The following CATSPER1 variants were observed in gnomAD, a reference collection of about 807,000 sequenced individuals.
CATSPER1 encodes cation channel sperm associated 1.
In CATSPER1, 57 loss-of-function variants were observed where a neutral mutation model predicts 72.7. The ratio of observed to expected loss-of-function variants is 0.78; its 90% confidence interval spans 0.63 to 0.98. The LOEUF (loss-of-function observed/expected upper bound fraction) is 0.98, where lower values mean the gene tolerates loss of function less well. Among genes scored for constraint, CATSPER1 ranks in the 50% least tolerant of loss-of-function variants. CATSPER1 has a pLI of 0.00. For synonymous variants in CATSPER1, 363 were observed against 403.0 expected, an observed-to-expected ratio of 0.90 and a Z score of 1.19; for missense variants, 910 against 1,033.9, an observed-to-expected ratio of 0.88 and a Z score of 1.64.
intron 1 of CATSPER1, among the ~76,000 whole-genome samples, chr11:66,023,580 C>A (rs1856425793): frequency 1.3e-5 from 2 of 151,860 alleles, no homozygotes; most frequent in South Asian, 4.2e-4. Flanking sequence ...AGCAATGGCT[C>A]ACACCTGTAA....
rs1471314120 is a variant in CATSPER1, at chr11:66,016,825, G to A, written c.*65C>T. 16 of 1,559,624 alleles carry A rather than the reference G, an allele frequency of 1.0e-5. No individual in the cohort carries two copies. Among genetic ancestry groups the A allele is most frequent in the South Asian group, 3.5e-5 (3 of 84,892 alleles). ...ATCATTCCAGCAGATCTGGGGACCC[G>A]TCCCAGTGCACCCAGGTGGGCAGAC... On this transcript the variant is annotated 3_prime_UTR_variant, in exon 12 of 12. Coordinates refer to ENST00000312106, the MANE Select transcript of CATSPER1 (RefSeq NM_053054.4).
Position 66,017,194 on chromosome 11 carries a change from T to TGGGGGGGGGCCCC in CATSPER1, c.2202-21_2202-20insGGGGCCCCCCCCC. ...TGCTGCCTGCGGGTGGGCGGGGGGG[T>TGGGGGGGGGCCCC]CGCAGAGACAGGGGCTGGGCTGACC... On this transcript the variant is annotated intron_variant, in intron 10 of 11. Transcript: ENST00000312106. 1 of 550,278 alleles carries TGGGGGGGGGCCCC rather than the reference T, an allele frequency of 1.8e-6. No homozygotes were observed. Among genetic ancestry groups the TGGGGGGGGGCCCC allele is most frequent in the Non-Finnish European group, 3.4e-6 (1 of 295,850 alleles). The allele number at this position is 550,278 out of a possible 1,614,324, so 34.1% of individuals were successfully genotyped here. A position where few individuals can be genotyped will look rare whatever the true frequency, so the allele number is the denominator to read the frequency against.
intron 5 of CATSPER1, 65 bp from the exon 6 acceptor site, chr11:66,021,019 C>G: frequency 6.2e-7 from 1 of 1,609,854 alleles, no homozygotes; most frequent in South Asian, 1.1e-5. Flanking sequence ...CTCGTCCTGC[C>G]CCATCCCTGC....
Position 66,020,062 on chromosome 11 carries a change from G to A in CATSPER1, c.2125+78C>T, listed in dbSNP as rs2134988897. The A allele has an allele frequency of 6.9e-7, 1 of 1,450,240 alleles. No homozygotes were observed. Among genetic ancestry groups the A allele is most frequent in the South Asian group, 1.1e-5 (1 of 87,254 alleles). The allele number at this position is 1,450,240 out of a possible 1,614,324, so 89.8% of individuals were successfully genotyped here. ...ACTGAGTCTGGAATTCTGTGACTGT[G>A]GAAGGAGGTTAGGGGGATGGAGAGA... is the stretch of plus-strand genomic sequence containing the variant. On this transcript the variant is annotated intron_variant, in intron 9 of 11. Transcript: ENST00000312106. The surrounding 1 kb of genome is among the most constrained non-coding windows in gnomAD (Gnocchi z 4.5).
chr11:66,024,572 G>A (rs1403755986), intron 1 of CATSPER1, among the ~76,000 whole-genome samples: 9 of 152,106 alleles, frequency 5.9e-5, no homozygotes, highest in South Asian at 2.1e-4. Flanking sequence ...GAGTCACCGC[G>A]CCTGGCCTGT....
At position 66,020,943 on chromosome 11, in the gene CATSPER1, C is replaced by T. The variant is rs143627075; in HGVS notation, c.1795G>A (p.Ala599Thr). The T allele has an allele frequency of 6.3e-5, 101 of 1,613,864 alleles. No homozygotes were observed. In the African/African-American group the frequency reaches 9.5e-4, roughly 15 times the overall value. Residue 599 changes from alanine to threonine, a missense_variant, in exon 6 of 12, where the codon GCG becomes ACG. Physicochemically the swap from Ala to Thr is moderately conservative, Grantham distance 58 (BLOSUM62 0). Coordinates refer to ENST00000312106, the MANE Select transcript of CATSPER1 (RefSeq NM_053054.4). This position sits in a 1 kb window ranked among gnomAD's most constrained non-coding sequence, Gnocchi z 4.5. ...LMFTCLFLFS[A>T]VLRALFRKSD... ...TTGCGGAACAGTGCCCGGAGGACCG[C>T]GGAGAAGAGGACTGGCTGTTCAGGG...
chr11:66,021,893 G>C lies in CATSPER1; in HGVS notation c.1430-14C>G. 6.3e-7 allele frequency: 1 copy of C among 1,594,354 alleles called. No individual in the cohort carries two copies. The highest frequency in any genetic ancestry group is 8.6e-7 in the Non-Finnish European group (1 of 1,162,450). On this transcript the variant is annotated splice_polypyrimidine_tract_variant and intron_variant, in intron 2 of 11. Transcript: ENST00000312106. Reference sequence around the variant, plus strand: ...TGAAGTACCACTCTGCAGGAACACAGGGGTGCACTCAGAGCTGTCCCCAGC... The same window carrying C: ...TGAAGTACCACTCTGCAGGAACACACGGGTGCACTCAGAGCTGTCCCCAGC...
At chr11:66,022,019 G>A in intron 2 of CATSPER1, 140 bp from the exon 3 acceptor site, 1 of 718,706 alleles carries the variant, frequency 1.4e-6, no homozygotes, top group East Asian at 2.6e-5. Context: ...CACTACTGCT[G>A]TGTCTCAGTT....
chr11:66,024,424 T>C (rs1396508395), intron 1 of CATSPER1, among the ~76,000 whole-genome samples: 2 of 149,982 alleles, frequency 1.3e-5, no homozygotes, highest in Non-Finnish European at 3.0e-5. Flanking sequence ...ATTACAGGGG[T>C]GCACCACCAC....
rs752478488 is a variant in CATSPER1 at position 66,025,346 on chromosome 11, C to T, written c.1034G>A (p.Arg345His). 17 of 1,613,920 alleles carry T rather than the reference C, an allele frequency of 1.1e-5. No individual in the cohort carries two copies. The Middle Eastern group carries it at 4.9e-4, about 47-fold the overall frequency. The change falls in exon 1 of 12, where the codon CGT becomes CAT. Residue 345 changes from arginine to histidine, a missense_variant. Physicochemically the swap from Arg to His is conservative, Grantham distance 29 (BLOSUM62 0). Transcript: ENST00000312106. ...IHDAPGPAASRTGVFPYHVAH... is the reference protein window; with the variant it reads ...IHDAPGPAASHTGVFPYHVAH... Reference sequence around the variant, plus strand: ...TACGTGATAGGGGAAGACTCCTGTACGAGAAGCAGCAGGGCCGGGGGCATC... The same window carrying T: ...TACGTGATAGGGGAAGACTCCTGTATGAGAAGCAGCAGGGCCGGGGGCATC...
Position 66,025,491 on chromosome 11 carries a change from G to C in CATSPER1, c.889C>G (p.Arg297Gly), listed in dbSNP as rs374112491. ...TGGTCTTGGTGCTGATGGTAGTCTC[G>C]GTGCCGGTGGGTCTGGTGGTAGTGG... is the stretch of plus-strand genomic sequence containing the variant. ...QHHYHQTHRH[R>G]DYHQHQDHHG... Residue 297 changes from arginine (R) to glycine (G), a missense_variant, in exon 1 of 12, where the codon CGA becomes GGA. By Grantham distance (125) the Arg-to-Gly change is moderately radical. Coordinates refer to ENST00000312106, the MANE Select transcript of CATSPER1 (RefSeq NM_053054.4). 1 of 1,609,968 alleles carries C rather than the reference G, an allele frequency of 6.2e-7. No homozygotes were observed. Among genetic ancestry groups the C allele is most frequent in the Non-Finnish European group, 8.5e-7 (1 of 1,178,746 alleles).
At position 66,018,725 on chromosome 11, in the gene CATSPER1, C is replaced by T. The variant is rs770626502; in HGVS notation, c.2201+102G>A. 8.3e-4 allele frequency: 1,090 copies of T among 1,311,710 alleles called. 3 individuals are homozygous for T. Among genetic ancestry groups the T allele is most frequent in the Non-Finnish European group, 1.1e-3 (985 of 920,882 alleles). 81.3% of individuals were successfully genotyped at this position (1,311,710 alleles called of 1,614,324 possible). A position where few individuals can be genotyped will look rare whatever the true frequency, so the allele number is the denominator to read the frequency against. On this transcript the variant is annotated intron_variant, in intron 10 of 11. Transcript: ENST00000312106. The stretch of plus-strand genomic sequence containing the variant: ...TCCACAAGCCTCAGCGCTCCATCCC[C>T]TTCTAGAGGGGCAGGCAATGTCCCT...
At chr11:66,017,558 T>C (rs34287098) in intron 10 of CATSPER1, among the ~76,000 whole-genome samples, 1 of 119,172 alleles carries the variant, frequency 8.4e-6, no homozygotes, top group Non-Finnish European at 1.8e-5. Flanking sequence ...TGCTCTTCCC[T>C]GTAGCCACCC....
In CATSPER1 at chr11:66,020,964, C is replaced by T; in HGVS notation, c.1784-10G>A. ...ACCGCGGAGAAGAGGACTGGCTGTT[C>T]AGGGCCAAACTCAGCTCTCCAGTGC... On this transcript the variant is annotated splice_polypyrimidine_tract_variant and intron_variant, in intron 5 of 11. Coordinates refer to ENST00000312106, the MANE Select transcript of CATSPER1 (RefSeq NM_053054.4). The surrounding 1 kb of genome is among the most constrained non-coding windows in gnomAD (Gnocchi z 4.5). The T allele has an allele frequency of 6.2e-7, 1 of 1,613,758 alleles. No homozygotes were observed. The highest frequency in any genetic ancestry group is 8.5e-7 in the Non-Finnish European group (1 of 1,180,018).
At position 66,026,211 on chromosome 11, in the gene CATSPER1, A is replaced by G; in HGVS notation, c.169T>C (p.Ser57Pro). The change falls in exon 1 of 12, where the codon TCT becomes CCT. Residue 57 changes from serine (S) to proline (P), a missense_variant. Physicochemically the swap from Ser to Pro is moderately conservative, Grantham distance 74. Transcript: ENST00000312106. ...HHGVPHQRGE[S>P]HHPPEFQDFH... ...TCTTGGAACTCCGGAGGGTGGTGAG[A>G]TTCACCACGTTGGTGGGGCACGCCG... 1.2e-6 allele frequency: 2 copies of G among 1,610,594 alleles called. No individual in the cohort carries two copies. The highest frequency in any genetic ancestry group is 1.7e-6 in the Non-Finnish European group (2 of 1,177,034).
intron 9 of CATSPER1, among the ~76,000 whole-genome samples, chr11:66,019,496 T>C (rs1856309092): frequency 6.6e-6 from 1 of 152,018 alleles, no homozygotes; most frequent in African/African-American, 2.4e-5. Flanking sequence ...AGACTGGTCT[T>C]GAACTGCTGA....
At chr11:66,024,123 C>T (rs1438465267) in intron 1 of CATSPER1, among the ~76,000 whole-genome samples, 3 of 151,608 alleles carry the variant, frequency 2.0e-5, no homozygotes, top group African/African-American at 7.3e-5. Flanking sequence ...ACCACCACAC[C>T]CGGCTAATTT....
rs370786090 is a variant in CATSPER1 at position 66,025,458 on chromosome 11, C to A, written c.922G>T (p.Ala308Ser). The A allele has an allele frequency of 6.2e-7, 1 of 1,611,746 alleles. No homozygotes were observed. The highest frequency in any genetic ancestry group is 8.5e-7 in the Non-Finnish European group (1 of 1,179,600). ...CCATGGAGGTAACTGGAATGATACG[C>A]GCCGTGGTGGTCTTGGTGCTGATGG... ...DYHQHQDHHG[A>S]YHSSYLHGDY... The change falls in exon 1 of 12, where the codon GCG (alanine) becomes TCG (serine). Residue 308 changes from alanine (A) to serine (S), a missense_variant. By Grantham distance (99) the Ala-to-Ser change is moderately conservative. Transcript: ENST00000312106.
chr11:66,025,596 C>G lies in CATSPER1; in HGVS notation c.784G>C (p.Asp262His), dbSNP rs1856482822. 6.2e-7 allele frequency: 1 copy of G among 1,609,872 alleles called. No individual in the cohort carries two copies. Among genetic ancestry groups the G allele is most frequent in the Non-Finnish European group, 8.5e-7 (1 of 1,178,136 alleles). ...SVGSYQRGIS[D>H]YHSEYHQGDH... is the part of the protein sequence containing the mutation. ...CCTTGGTGGTACTCGCTGTGATAGT[C>G]AGATATCCCACGCTGGTAGGACCCC... Residue 262 changes from aspartate (D) to histidine (H), a missense_variant, in exon 1 of 12, where the codon GAC becomes CAC. Asp to His is a moderately conservative substitution (Grantham distance 81). Transcript: ENST00000312106.
Sources: gnomAD v4.1 joint callset for allele counts (sites outside exome capture counted in the v4.1 genomes callset) on GRCh38, gnomAD v4.1.1 for gene constraint, Gnocchi (gnomAD v3.1) non-coding constraint, MANE v1.5 for transcripts, NCBI Gene and HGNC (gene_info 2026-07-23, HGNC 2026-07-21) for gene names.